The following FGFR2 variants were observed in gnomAD, a reference collection of about 807,000 sequenced individuals.
FGFR2 encodes the protein fibroblast growth factor receptor 2, also known as BEK fibroblast growth factor receptor.
Under a neutral mutation model 95.9 loss-of-function variants are expected in FGFR2, and 19 were observed. The ratio of observed to expected loss-of-function variants is 0.20; its 90% CI spans 0.14 to 0.29. FGFR2 has a LOEUF of 0.29. FGFR2 is among the 10% of genes least tolerant of loss of function. The pLI, the probability that FGFR2 is intolerant of heterozygous loss-of-function variation, is 1.00. For synonymous variants in FGFR2, 392 were observed against 393.3 expected, an observed-to-expected ratio of 1.00 and a Z score of 0.04; for missense variants, 707 against 1,056.9, an observed-to-expected ratio of 0.67 and a Z score of 4.59.
chr10:121,500,779 A>G, intron 11 of FGFR2, 47 bp downstream of exon 11: 5 of 1,609,332 alleles, frequency 3.1e-6, no homozygotes, highest in Non-Finnish European at 4.2e-6. Context: ...TTTCTTGATA[A>G]GACTCTCCAC....
chr10:121,581,178 G>A (rs541742445), intron 2 of FGFR2, among the ~76,000 whole-genome samples: 2 of 152,172 alleles, frequency 1.3e-5, no homozygotes, highest in South Asian at 2.1e-4. Context: ...CTCCTCACTC[G>A]CCACACCTTC....
chr10:121,501,477 CT>C (rs548648492), intron 10 of FGFR2, among the ~76,000 whole-genome samples: 68 of 150,920 alleles, frequency 4.5e-4, no homozygotes, highest in Middle Eastern at 6.8e-3. Context: ...AAATTGGGGA[CT>C]TTTTTTTTGA....
At chr10:121,587,894 A>G (rs1862072086) in intron 2 of FGFR2, among the ~76,000 whole-genome samples, 1 of 152,242 alleles carries the variant, frequency 6.6e-6, no homozygotes, top group Non-Finnish European at 1.5e-5. Context: ...ATTACTGGGT[A>G]TATACCCAGA....
At chr10:121,532,180 C>A (rs1301765047) in intron 6 of FGFR2, among the ~76,000 whole-genome samples, 1 of 152,188 alleles carries the variant, frequency 6.6e-6, no homozygotes, top group Non-Finnish European at 1.5e-5. Flanking sequence ...GGCCAGGAAG[C>A]CTCTAAGTCA....
intron 5 of FGFR2, among the ~76,000 whole-genome samples, chr10:121,545,409 G>C (rs908534319): frequency 6.6e-6 from 1 of 152,194 alleles, no homozygotes; most frequent in Non-Finnish European, 1.5e-5. Context: ...ATGAGGTAGG[G>C]GTAGGGCAAG....
intron 2 of FGFR2, among the ~76,000 whole-genome samples, chr10:121,573,798 T>C (rs1859250606): frequency 6.6e-6 from 1 of 152,126 alleles, no homozygotes; most frequent in South Asian, 2.1e-4. Context: ...CCACAAGCAC[T>C]GTAACAGGAG....
intron 5 of FGFR2, among the ~76,000 whole-genome samples, chr10:121,540,808 G>A (rs1175995954): frequency 3.9e-5 from 6 of 152,104 alleles, no homozygotes; most frequent in South Asian, 2.1e-4. Flanking sequence ...CCTTAATCAC[G>A]GCTAGTGCCT....
At chr10:121,498,902 C>G (rs1278354613) in intron 11 of FGFR2, among the ~76,000 whole-genome samples, 1 of 152,174 alleles carries the variant, frequency 6.6e-6, no homozygotes. Flanking sequence ...ATCTCATCCT[C>G]TGCCATATCT....
chr10:121,508,980 T>C (rs1053816279), intron 9 of FGFR2, among the ~76,000 whole-genome samples: 3 of 152,266 alleles, frequency 2.0e-5, no homozygotes, highest in African/African-American at 7.2e-5. Flanking sequence ...GCCATTCCCC[T>C]GTGGGACTCC....
At chr10:121,572,897 A>C (rs1859054454) in intron 2 of FGFR2, among the ~76,000 whole-genome samples, 1 of 152,232 alleles carries the variant, frequency 6.6e-6, no homozygotes, top group African/African-American at 2.4e-5. Flanking sequence ...CAGAGAGAAA[A>C]AAATCCTCGC....
Position 121,503,565 on chromosome 10 carries a change from G to A in FGFR2, c.1439+225C>T, listed in dbSNP as rs531829524. 2.0e-5 allele frequency among the ~76,000 whole-genome samples: 3 copies of A among 152,120 alleles called. No individual in the cohort carries two copies. In the South Asian group the frequency reaches 6.2e-4, roughly 32 times the overall value. ...GATAACCAGATGCCATCTTCTTTGG[G>A]GACCAGCCAGGGGCAAGTAGCTCTG... On this transcript the variant is annotated intron_variant, in intron 10 of 17. Coordinates refer to ENST00000358487, the MANE Select transcript of FGFR2 (RefSeq NM_000141.5).
intron 13 of FGFR2, among the ~76,000 whole-genome samples, chr10:121,492,467 T>C (rs907197192): frequency 2.6e-5 from 4 of 152,092 alleles, no homozygotes; most frequent in Admixed American, 1.3e-4. Context: ...GCACTGTGTG[T>C]TCATCTCAAT....
At chr10:121,546,026 T>C (rs1415220283) in intron 5 of FGFR2, among the ~76,000 whole-genome samples, 1 of 151,986 alleles carries the variant, frequency 6.6e-6, no homozygotes, top group Non-Finnish European at 1.5e-5. Flanking sequence ...TAAAAGATGG[T>C]TTTTAAGAAC....
At chr10:121,527,799 T>C (rs1851581502) in intron 6 of FGFR2, 1 of 152,156 alleles carries the variant, frequency 6.6e-6, no homozygotes, top group Non-Finnish European at 1.5e-5. Context: ...TTGACACTGA[T>C]GTAAAACTCA....
At chr10:121,532,623 C>T (rs983468610) in intron 6 of FGFR2, among the ~76,000 whole-genome samples, 5 of 152,178 alleles carry the variant, frequency 3.3e-5, no homozygotes, top group African/African-American at 1.2e-4. Context: ...CCCCTGGCCC[C>T]AGCTCAGCTA....
intron 6 of FGFR2, among the ~76,000 whole-genome samples, chr10:121,530,895 A>G (rs1237343904): frequency 6.6e-6 from 1 of 152,196 alleles, no homozygotes; most frequent in Non-Finnish European, 1.5e-5. Context: ...TATTTGCCCA[A>G]GCTCTGACAG....
At chr10:121,509,734 C>T (rs1391467124) in intron 9 of FGFR2, among the ~76,000 whole-genome samples, 1 of 151,848 alleles carries the variant, frequency 6.6e-6, no homozygotes, top group Non-Finnish European at 1.5e-5. Flanking sequence ...CCACCTACGT[C>T]GGCCTCCCAA....
chr10:121,504,296 A>AGC (rs57770313), intron 9 of FGFR2, among the ~76,000 whole-genome samples: 4,816 of 152,180 alleles, frequency 0.032, 224 homozygotes, highest in African/African-American at 0.11. Flanking sequence ...TTGTACCTGC[A>AGC]CCTGTACTGG....
chr10:121,534,154 A>G (rs774421418), intron 6 of FGFR2, among the ~76,000 whole-genome samples: 1 of 133,100 alleles, frequency 7.5e-6, no homozygotes, highest in Non-Finnish European at 1.5e-5. Flanking sequence ...GCTGGAGTGC[A>G]ATGGCACAAT....
Sources: gnomAD v4.1 joint callset for allele counts (sites outside exome capture counted in the v4.1 genomes callset) on GRCh38, gnomAD v4.1.1 for gene constraint, MANE v1.5 for transcripts, NCBI Gene and HGNC (gene_info 2026-07-23, HGNC 2026-07-21) for gene names.